Variants in ZKSCAN5 observed in about 807,000 individuals in gnomAD.
ZKSCAN5 encodes zinc finger protein with KRAB and SCAN domains 5.
A neutral mutation model predicts 60.0 loss-of-function variants in ZKSCAN5; 28 were observed. The ratio of observed to expected loss-of-function variants is 0.47; its 90% CI spans 0.35 to 0.64. The LOEUF is 0.64. Ranked by LOEUF, ZKSCAN5 falls within the 30% of genes least tolerant of loss-of-function variation. ZKSCAN5 has a pLI of 0.01. For missense variants in ZKSCAN5, 881 were observed against 1,034.6 expected (o/e 0.85, Z 2.04); for synonymous variants, 361 against 371.2 (o/e 0.97, Z 0.31).
chr7:99,528,001 C>T (rs966739170), intron 6 of ZKSCAN5, among the ~76,000 whole-genome samples: 1 of 151,856 alleles, frequency 6.6e-6, no homozygotes, highest in Non-Finnish European at 1.5e-5. Context: ...TATTTTTAAA[C>T]ATCTGTTCAA....
intron 2 of ZKSCAN5, among the ~76,000 whole-genome samples, chr7:99,511,073 C>T (rs1801000356): frequency 6.6e-6 from 1 of 152,102 alleles, no homozygotes; most frequent in Non-Finnish European, 1.5e-5. Flanking sequence ...AACTCCTGCA[C>T]CACATTTTGC....
At position 99,520,170 on chromosome 7, in the gene ZKSCAN5, A is replaced by G. The variant is rs1404254866; in HGVS notation, c.638A>G (p.Lys213Arg). 4 of 1,610,644 alleles carry G rather than the reference A, an allele frequency of 2.5e-6. No individual in the cohort carries two copies. The highest frequency in any genetic ancestry group is 3.4e-6 in the Non-Finnish European group (4 of 1,179,044). ...TTTAGTGGAGATCTCCTGTTTCAGA[A>G]GTTGGTGAAAATTGAAGAGGTGGCT... Reference protein sequence around the residue: ...TASLLSTGSQKLVKIEEVADV... With the variant: ...TASLLSTGSQRLVKIEEVADV... The change falls in exon 5 of 7, where the codon AAG becomes AGG. Residue 213 changes from lysine to arginine, a missense_variant and splice_region_variant. Physicochemically the swap from Lys to Arg is conservative, Grantham distance 26. Transcript: ENST00000326775.
rs770010942 is a variant in ZKSCAN5, at chr7:99,525,839, C to T, written c.799C>T (p.Leu267Phe). 6.2e-7 allele frequency: 1 copy of T among 1,613,344 alleles called. No homozygotes were observed. Among genetic ancestry groups the T allele is most frequent in the South Asian group, 1.1e-5 (1 of 91,072 alleles). The change falls in exon 6 of 7, where the codon CTC (leucine) becomes TTC (phenylalanine). Residue 267 changes from leucine (L) to phenylalanine (F), a missense_variant. Leu to Phe is a conservative substitution (Grantham distance 22). This residue lies in a region of ZKSCAN5 where 490 missense variants were observed against 554.5 expected (regional missense o/e 0.88). Coordinates refer to ENST00000326775, the MANE Select transcript of ZKSCAN5 (RefSeq NM_145102.4). ...TTATGAGTCCAGGGACAATATGGAG[C>T]TCATAGTGAAGCAGATTTCTGATGA... is the stretch of plus-strand genomic sequence containing the variant. ...MGYESRDNME[L>F]IVKQISDDSE...
rs758856374 is a variant in ZKSCAN5 at position 99,532,946 on chromosome 7, G to T, written c.*697G>T. ...GATGTCAGGGTTTAGCCGGTAGAAG[G>T]AGTAGTTCAGTTTGTCAATTCAGGA... On this transcript the variant is annotated 3_prime_UTR_variant, in exon 7 of 7. Transcript: ENST00000326775. 6 of 172,166 alleles carry T rather than the reference G, an allele frequency of 3.5e-5. No individual in the cohort carries two copies. Among genetic ancestry groups the T allele is most frequent in the Non-Finnish European group, 5.1e-5 (4 of 78,824 alleles). 10.7% of individuals were successfully genotyped at this position (172,166 alleles called of 1,614,324 possible).
At chr7:99,527,480 A>G (rs1275234387) in intron 6 of ZKSCAN5, among the ~76,000 whole-genome samples, 2 of 151,198 alleles carry the variant, frequency 1.3e-5, no homozygotes, top group East Asian at 1.9e-4. Context: ...TTTTTTTTTT[A>G]TAAGTCTGTT....
At chr7:99,524,524 T>TA (rs940055292) in intron 5 of ZKSCAN5, among the ~76,000 whole-genome samples, 69 of 152,192 alleles carry the variant, frequency 4.5e-4, no homozygotes, top group African/African-American at 1.6e-3. Flanking sequence ...TACTCTATTT[T>TA]TTGTTAACTA....
At chr7:99,518,514 A>G (rs1306803255) in intron 3 of ZKSCAN5, among the ~76,000 whole-genome samples, 1 of 152,094 alleles carries the variant, frequency 6.6e-6, no homozygotes, top group African/African-American at 2.4e-5. Context: ...AGAATCTGCA[A>G]GTACCAAGAT....
At chr7:99,529,532 G>A (rs907665340) in intron 6 of ZKSCAN5, among the ~76,000 whole-genome samples, 4 of 152,114 alleles carry the variant, frequency 2.6e-5, no homozygotes, top group Non-Finnish European at 4.4e-5. Flanking sequence ...GAAGACAGGC[G>A]CTTACAGTCT....
chr7:99,531,671 C>A lies in ZKSCAN5; in HGVS notation c.1942C>A (p.Leu648Met). The A allele has an allele frequency of 6.2e-7, 1 of 1,614,178 alleles. No individual in the cohort carries two copies. Among genetic ancestry groups the A allele is most frequent in the Non-Finnish European group, 8.5e-7 (1 of 1,180,042 alleles). Reference sequence around the variant, plus strand: ...GAAAGGCTTTGGGAGGCGTTCCCACCTGGCTGGACATCTTCGACTCCACTC... The same window carrying A: ...GAAAGGCTTTGGGAGGCGTTCCCACATGGCTGGACATCTTCGACTCCACTC... The part of the protein sequence containing the change: ...CGKGFGRRSH[L>M]AGHLRLHSRE... The change falls in exon 7 of 7, where the codon CTG becomes ATG. Residue 648 changes from leucine (L) to methionine (M), a missense_variant. Physicochemically the swap from Leu to Met is conservative, Grantham distance 15. Around this residue, in one of 5 missense-constraint regions of ZKSCAN5, gnomAD observed 112 missense variants for 182.4 expected, o/e 0.61. Coordinates refer to ENST00000326775, the MANE Select transcript of ZKSCAN5 (RefSeq NM_145102.4).
rs770858439 is a variant in ZKSCAN5, at chr7:99,531,340, T to C, written c.1611T>C (p.Tyr537=). Residue 537 remains tyrosine (Y), a synonymous_variant, in exon 7 of 7, where the codon TAT becomes TAC. Coordinates refer to ENST00000326775, the MANE Select transcript of ZKSCAN5 (RefSeq NM_145102.4). ...GGATGAACTACAGTGAAGTCCCATA[T>C]GTCCACAAAAAATCCTCCACTGGAG... The part of the protein sequence containing the change: ...SKRMNYSEVP[Y]VHKKSSTGER... 3 of 1,614,164 alleles carry C rather than the reference T, an allele frequency of 1.9e-6. No homozygotes were observed. The highest frequency in any genetic ancestry group is 2.5e-6 in the Non-Finnish European group (3 of 1,180,028).
Position 99,534,467 on chromosome 7 carries a change from A to C in ZKSCAN5, c.*2218A>C, listed in dbSNP as rs1179936254. 1 of 152,172 alleles carries C rather than the reference A, an allele frequency of 6.6e-6. No individual in the cohort carries two copies. The highest frequency in any genetic ancestry group is 2.4e-5 in the African/African-American group (1 of 41,414). 9.4% of individuals were successfully genotyped at this position (152,172 alleles called of 1,614,324 possible). The stretch of plus-strand genomic sequence containing the variant: ...GAGGCGGGCAGATCACGAGGTCAAG[A>C]GATCGAAACCATCCTGGCCAACCAA... On this transcript the variant is annotated 3_prime_UTR_variant, in exon 7 of 7. Transcript: ENST00000326775.
chr7:99,509,378 C>T (rs565600478), intron 2 of ZKSCAN5, among the ~76,000 whole-genome samples: 1 of 152,168 alleles, frequency 6.6e-6, no homozygotes, highest in Non-Finnish European at 1.5e-5. Flanking sequence ...CCTGCCTTGG[C>T]CTCCCAAAGT....
intron 2 of ZKSCAN5, among the ~76,000 whole-genome samples, chr7:99,510,721 G>A (rs1161760358): frequency 6.6e-6 from 1 of 152,050 alleles, no homozygotes; most frequent in Non-Finnish European, 1.5e-5. Flanking sequence ...TGGGATTACA[G>A]GCATGAGCCA....
intron 5 of ZKSCAN5, 38 bp from the exon 6 acceptor site, chr7:99,525,775 G>A: frequency 1.3e-6 from 2 of 1,566,398 alleles, no homozygotes; most frequent in Non-Finnish European, 1.7e-6. Context: ...CAAATTCAAG[G>A]AAAAGCTCAT....
chr7:99,526,442 G>T, intron 6 of ZKSCAN5, 24 bp downstream of exon 6: 2 of 1,582,270 alleles, frequency 1.3e-6, no homozygotes, highest in South Asian at 2.3e-5. Flanking sequence ...GTTTATATCC[G>T]GGGGATAAAT....
Position 99,532,121 on chromosome 7 carries a change from G to C in ZKSCAN5, c.2392G>C (p.Glu798Gln), listed in dbSNP as rs150395462. 6.5e-3 allele frequency: 10,566 copies of C among 1,614,098 alleles called. 41 individuals carry two copies. Among genetic ancestry groups the C allele is most frequent in the Non-Finnish European group, 7.9e-3 (9,267 of 1,180,020 alleles). The change falls in exon 7 of 7, where the codon GAG becomes CAG. Residue 798 changes from glutamate (E) to glutamine (Q), a missense_variant. By Grantham distance (29) the Glu-to-Gln change is conservative. Transcript: ENST00000326775. Reference sequence around the variant, plus strand: ...TCAACATCAGAGAATCCATACTGGTGAGAAACCTTTTCAATGTAAAGAATG... The same window carrying C: ...TCAACATCAGAGAATCCATACTGGTCAGAAACCTTTTCAATGTAAAGAATG... ...LNQHQRIHTG[E>Q]KPFQCKECGM... is the part of the protein sequence containing the mutation.
intron 3 of ZKSCAN5, chr7:99,513,783 T>C (rs1383351761): frequency 3.2e-6 from 1 of 311,250 alleles, no homozygotes; most frequent in Non-Finnish European, 6.7e-6. Flanking sequence ...ATCCCTGCAC[T>C]TTGGGAGGCA....
rs114588356 is a variant in ZKSCAN5 at position 99,530,420 on chromosome 7, G to C, written c.1379-688G>C. Among the ~76,000 whole-genome samples the C allele has an allele frequency of 4.8e-3, 735 of 152,186 alleles. 2 individuals are homozygous for C. Among genetic ancestry groups the C allele is most frequent in the African/African-American group, 0.017 (702 of 41,506 alleles). On this transcript the variant is annotated intron_variant, in intron 6 of 6. Coordinates refer to ENST00000326775, the MANE Select transcript of ZKSCAN5 (RefSeq NM_145102.4). ...AATTTGCACCTTCCTGATGATTAGTGATGTTCAGCATTTTTTTCATGTTTG... is the reference window on the plus strand; with the variant it reads ...AATTTGCACCTTCCTGATGATTAGTCATGTTCAGCATTTTTTTCATGTTTG...
intron 5 of ZKSCAN5, among the ~76,000 whole-genome samples, chr7:99,523,163 C>CAA (rs35854468): frequency 4.1e-5 from 2 of 48,938 alleles, no homozygotes; most frequent in Non-Finnish European, 7.5e-5. Context: ...GACCCTATCT[C>CAA]AAAAAAAAAA....
Sources: gnomAD v4.1 joint callset for allele counts (sites outside exome capture counted in the v4.1 genomes callset) on GRCh38, gnomAD v4.1.1 for gene constraint, gnomAD v4.1.1 regional missense constraint, MANE v1.5 for transcripts, NCBI Gene and HGNC (gene_info 2026-07-23, HGNC 2026-07-21) for gene names.